The following ATP8A2 variants were observed in gnomAD, a reference collection of about 807,000 sequenced individuals.
ATP8A2 encodes the protein ATPase phospholipid transporting 8A2.
Under a neutral mutation model 165.6 loss-of-function variants are expected in ATP8A2, and 100 were observed. The ratio of observed to expected loss-of-function variants is 0.60; its 90% CI spans 0.51 to 0.71. The LOEUF (loss-of-function observed/expected upper bound fraction) is 0.71, where lower values mean the gene tolerates loss of function less well. Among genes scored for constraint, ATP8A2 ranks in the 30% least tolerant of loss-of-function variants. ATP8A2 has a pLI of 0.00. For synonymous variants in ATP8A2, 543 were observed against 548.8 expected (o/e 0.99, Z 0.15); for missense variants, 1,227 against 1,479.5 (o/e 0.83, Z 2.80).
chr13:26,006,553 A>G (rs1025466874), intron 35 of ATP8A2, among the ~76,000 whole-genome samples: 14 of 152,040 alleles, frequency 9.2e-5, no homozygotes, highest in Non-Finnish European at 1.6e-4. Context: ...TTTGTTGAAT[A>G]GAAGTGCTGA....
At chr13:25,826,267 T>C (rs146775767) in intron 27 of ATP8A2, among the ~76,000 whole-genome samples, 30 of 152,182 alleles carry the variant, frequency 2.0e-4, no homozygotes, top group African/African-American at 7.0e-4. Flanking sequence ...AAAAAGAAAT[T>C]AAGAGTGAAT....
chr13:25,660,003 C>T (rs972489827), intron 24 of ATP8A2, among the ~76,000 whole-genome samples: 29 of 152,206 alleles, frequency 1.9e-4, no homozygotes, highest in African/African-American at 7.0e-4. Context: ...AAGTTGAAGC[C>T]AGTTGTTTCT....
chr13:25,450,753 A>C (rs7332918), intron 1 of ATP8A2, among the ~76,000 whole-genome samples: 43 of 152,012 alleles, frequency 2.8e-4, no homozygotes, highest in African/African-American at 8.5e-4. Flanking sequence ...GGATGGTCTC[A>C]ATCTCCTGAC....
intron 23 of ATP8A2, among the ~76,000 whole-genome samples, chr13:25,588,834 A>T (rs1268307927): frequency 6.6e-6 from 1 of 152,112 alleles, no homozygotes; most frequent in African/African-American, 2.4e-5. Flanking sequence ...GCCCTGGCGG[A>T]CACCTCTGGT....
chr13:25,539,461 A>C (rs1028663716), intron 7 of ATP8A2, among the ~76,000 whole-genome samples: 1 of 151,734 alleles, frequency 6.6e-6, no homozygotes, highest in Non-Finnish European at 1.5e-5. Context: ...TTTAGCTGAC[A>C]TCATGTTTCC....
chr13:25,695,510 C>T (rs1203744543), intron 24 of ATP8A2, among the ~76,000 whole-genome samples: 1 of 152,216 alleles, frequency 6.6e-6, no homozygotes, highest in Non-Finnish European at 1.5e-5. Context: ...AGTAGAACTT[C>T]CTTCAAAATT....
intron 1 of ATP8A2, among the ~76,000 whole-genome samples, chr13:25,408,483 C>T (rs1002980075): frequency 5.3e-5 from 8 of 151,982 alleles, no homozygotes; most frequent in East Asian, 1.9e-4. Flanking sequence ...AAGACTTGTA[C>T]GCAGTTCCCT....
rs2093770285 is a variant in ATP8A2 at position 25,617,604 on chromosome 13, T to TA, written c.2211+27907dup. ...AACAAGGACTAGATAGTTGTCTCACTAACTCCATTCTTGGTGTTCCCTTGA... is the reference window on the plus strand; with the variant it reads ...AACAAGGACTAGATAGTTGTCTCACTAAACTCCATTCTTGGTGTTCCCTTGA... On this transcript the variant is annotated intron_variant, in intron 24 of 36. Coordinates refer to ENST00000381655, the MANE Select transcript of ATP8A2 (RefSeq NM_016529.6). Among the ~76,000 whole-genome samples, 2 of 152,236 alleles carry TA rather than the reference T, an allele frequency of 1.3e-5. 1 individual carries two copies. Among genetic ancestry groups the TA allele is most frequent in the South Asian group, 4.1e-4 (2 of 4,834 alleles).
chr13:25,837,032 TG>T, intron 28 of ATP8A2, 130 bp from the exon 29 acceptor site: 1 of 1,130,036 alleles, frequency 8.8e-7, no homozygotes, highest in Non-Finnish European at 1.3e-6. Context: ...GGAGGGTGTC[TG>T]GGGATCTGTG....
At chr13:25,726,039 A>G (rs2043485799) in intron 25 of ATP8A2, among the ~76,000 whole-genome samples, 1 of 152,260 alleles carries the variant, frequency 6.6e-6, no homozygotes, top group Non-Finnish European at 1.5e-5. Flanking sequence ...GTATGTAGAT[A>G]GACACGCATT....
At chr13:26,003,776 G>C (rs1024346921) in intron 35 of ATP8A2, among the ~76,000 whole-genome samples, 1 of 152,072 alleles carries the variant, frequency 6.6e-6, no homozygotes, top group African/African-American at 2.4e-5. Context: ...TAAAGATGCT[G>C]CTTTTTCTTC....
intron 2 of ATP8A2, among the ~76,000 whole-genome samples, chr13:25,510,747 T>G (rs908293181): frequency 6.6e-6 from 1 of 152,218 alleles, no homozygotes; most frequent in Non-Finnish European, 1.5e-5. Flanking sequence ...AGAAACAAAC[T>G]GGGTCTTTAG....
At chr13:25,816,188 A>G (rs1011313024) in intron 27 of ATP8A2, among the ~76,000 whole-genome samples, 9 of 152,202 alleles carry the variant, frequency 5.9e-5, no homozygotes, top group African/African-American at 2.2e-4. Context: ...ATATTTTACC[A>G]TACCAAAAAG....
At chr13:25,932,752 A>C (rs1397272839) in intron 33 of ATP8A2, among the ~76,000 whole-genome samples, 1 of 152,166 alleles carries the variant, frequency 6.6e-6, no homozygotes, top group African/African-American at 2.4e-5. Flanking sequence ...TGAGGTTTAG[A>C]CCTGAAAGGA....
At chr13:25,867,480 C>G (rs1339678382) in intron 33 of ATP8A2, among the ~76,000 whole-genome samples, 1 of 152,114 alleles carries the variant, frequency 6.6e-6, no homozygotes, top group East Asian at 1.9e-4. Flanking sequence ...AGGATGGGAG[C>G]TTAACGGTAG....
chr13:25,373,074 T>C (rs1167106820), intron 1 of ATP8A2, among the ~76,000 whole-genome samples: 3 of 152,092 alleles, frequency 2.0e-5, no homozygotes, highest in African/African-American at 7.2e-5. Context: ...TGGAGCTGGA[T>C]GTTATGTGGC....
chr13:25,523,876 A>C (rs1006454563), intron 2 of ATP8A2, among the ~76,000 whole-genome samples: 30 of 151,000 alleles, frequency 2.0e-4, no homozygotes, highest in African/African-American at 7.3e-4. Flanking sequence ...TCTTACCTTT[A>C]TTATTTCTTT....
intron 35 of ATP8A2, among the ~76,000 whole-genome samples, chr13:25,983,663 G>T (rs186948882): frequency 6.6e-6 from 1 of 152,220 alleles, no homozygotes. Context: ...TCTTGTAGTT[G>T]TGAACTTAAA....
chr13:25,894,332 T>C (rs201359645), intron 33 of ATP8A2, among the ~76,000 whole-genome samples: 1 of 152,344 alleles, frequency 6.6e-6, no homozygotes, highest in Non-Finnish European at 1.5e-5. Flanking sequence ...TTATCAAAGA[T>C]CAGATAGTTG....
Sources: allele counts gnomAD v4.1 joint callset (sites outside exome capture counted in the v4.1 genomes callset), GRCh38; gene constraint gnomAD v4.1.1; transcripts MANE v1.5; gene names NCBI Gene and HGNC (gene_info 2026-07-23, HGNC 2026-07-21).